The following APBB2 variants were observed in gnomAD, a reference collection of about 807,000 sequenced individuals.
APBB2 encodes the protein Fe65-like 1.
Under a neutral mutation model 82.5 loss-of-function variants are expected in APBB2, and 38 were observed. The ratio of observed to expected loss-of-function variants is 0.46; its 90% CI spans 0.36 to 0.60. The LOEUF (loss-of-function observed/expected upper bound fraction) is 0.60. Among genes scored for constraint, APBB2 ranks in the 20% least tolerant of loss-of-function variants. The pLI, the probability that APBB2 is intolerant of heterozygous loss-of-function variation, is 0.00. For synonymous variants in APBB2, 341 were observed against 368.2 expected (o/e 0.93, Z 0.85); for missense variants, 772 against 972.3 (o/e 0.79, Z 2.74).
chr4:40,875,128 G>A (rs1321739746), intron 12 of APBB2, among the ~76,000 whole-genome samples: 2 of 152,162 alleles, frequency 1.3e-5, no homozygotes, highest in African/African-American at 4.8e-5. Flanking sequence ...CACATCGTGG[G>A]GTTTGGCTCC....
chr4:41,114,050 T>C (rs1560787965), intron 2 of APBB2: 1 of 152,406 alleles, frequency 6.6e-6, no homozygotes, highest in Non-Finnish European at 1.5e-5. Context: ...ATTTTTCTTA[T>C]GAACATCAAC....
intron 2 of APBB2, among the ~76,000 whole-genome samples, chr4:41,118,361 T>TGTCTTGA (rs1751754501): frequency 6.6e-6 from 1 of 152,232 alleles, no homozygotes; most frequent in South Asian, 2.1e-4. Flanking sequence ...ATGAGTTCTG[T>TGTCTTGA]GTCTTGACTT....
At chr4:40,883,990 T>C (rs1297822182) in intron 12 of APBB2, among the ~76,000 whole-genome samples, 1 of 152,240 alleles carries the variant, frequency 6.6e-6, no homozygotes, top group Admixed American at 6.5e-5. Flanking sequence ...ATCTCTTCAA[T>C]GAAGAAGCCA....
intron 1 of APBB2, among the ~76,000 whole-genome samples, chr4:41,208,202 T>C (rs576025441): frequency 6.6e-5 from 10 of 152,138 alleles, no homozygotes; most frequent in Non-Finnish European, 1.3e-4. Context: ...TTCCGCAAAG[T>C]CTCTCCAATC....
intron 2 of APBB2, among the ~76,000 whole-genome samples, chr4:41,102,104 G>A (rs905498365): frequency 2.0e-5 from 3 of 152,050 alleles, no homozygotes; most frequent in South Asian, 2.1e-4. Flanking sequence ...ACCTAAAGTC[G>A]GCATACCCCT....
intron 10 of APBB2, among the ~76,000 whole-genome samples, chr4:40,916,992 C>A (rs1780011731): frequency 6.6e-6 from 1 of 152,208 alleles, no homozygotes; most frequent in African/African-American, 2.4e-5. Flanking sequence ...CTCTGCTGCA[C>A]CGCAGACTTC....
chr4:41,120,755 T>C (rs139737066), intron 2 of APBB2, among the ~76,000 whole-genome samples: 25 of 152,310 alleles, frequency 1.6e-4, no homozygotes, highest in African/African-American at 5.3e-4. Flanking sequence ...TCTTGCAAAA[T>C]ACAGCCTAAA....
chr4:40,954,812 C>T (rs1220568345), intron 6 of APBB2, among the ~76,000 whole-genome samples: 24 of 152,268 alleles, frequency 1.6e-4, no homozygotes, highest in Non-Finnish European at 3.1e-4. Flanking sequence ...TATAGGCACA[C>T]ACCATCACAC....
At chr4:40,911,775 T>A (rs1190237440) in intron 10 of APBB2, among the ~76,000 whole-genome samples, 1 of 140,768 alleles carries the variant, frequency 7.1e-6, no homozygotes, top group Non-Finnish European at 1.6e-5. Flanking sequence ...GACCAACACC[T>A]AGGGGGACAC....
At chr4:40,816,392 A>G in intron 17 of APBB2, 133 bp from the exon 18 acceptor site, 1 of 965,604 alleles carries the variant, frequency 1.0e-6, no homozygotes, top group East Asian at 2.6e-5. Flanking sequence ...TAAATCCAAG[A>G]GTTATTTTTC....
At chr4:41,018,632 T>C (rs1810657695) in intron 5 of APBB2, among the ~76,000 whole-genome samples, 2 of 152,310 alleles carry the variant, frequency 1.3e-5, no homozygotes, top group East Asian at 1.9e-4. Context: ...CTTTTTCCTC[T>C]AGTATATTCT....
chr4:40,946,912 G>A (rs150092218), intron 6 of APBB2, among the ~76,000 whole-genome samples: 55 of 152,332 alleles, frequency 3.6e-4, no homozygotes, highest in Non-Finnish European at 5.9e-4. Context: ...AGGGGCTGAT[G>A]AAGACTGTGG....
intron 1 of APBB2, among the ~76,000 whole-genome samples, chr4:41,210,426 C>T (rs1779034235): frequency 6.6e-6 from 1 of 152,172 alleles, no homozygotes; most frequent in Admixed American, 6.5e-5. Flanking sequence ...TTTGGGGTCC[C>T]TGGTTAGTAG....
chr4:41,138,641 T>G (rs1346432546), intron 2 of APBB2, among the ~76,000 whole-genome samples: 1 of 152,240 alleles, frequency 6.6e-6, no homozygotes, highest in African/African-American at 2.4e-5. Context: ...TTCATAATTA[T>G]CATCTTTTAT....
intron 2 of APBB2, among the ~76,000 whole-genome samples, chr4:41,108,724 T>TGC (rs1748127898): frequency 6.6e-6 from 1 of 152,220 alleles, no homozygotes; most frequent in Non-Finnish European, 1.5e-5. Context: ...TCAAGGGCAG[T>TGC]GTCTGACACA....
rs1560717026 is a variant in APBB2, at chr4:40,856,899, CA to C, written c.1530-26323del. 597 of 964,322 alleles carry C rather than the reference CA, an allele frequency of 6.2e-4. 2 individuals are homozygous for C. The African/African-American group carries it at 9.9e-3, about 16-fold the overall frequency. 59.7% of individuals were successfully genotyped at this position (964,322 alleles called of 1,614,324 possible). On this transcript the variant is annotated intron_variant, in intron 12 of 17. Transcript: ENST00000508593. ...GCGCTGACTCGGGGAAGGGAGGGCG[CA>C]GCCTTTGTCCCGCAGGTCTCCCGCG...
intron 12 of APBB2, among the ~76,000 whole-genome samples, chr4:40,862,618 C>T (rs1038383106): frequency 1.2e-4 from 19 of 152,136 alleles, no homozygotes; most frequent in African/African-American, 3.4e-4. Flanking sequence ...CCCAGAACTT[C>T]GGGAGGCCAA....
intron 1 of APBB2, among the ~76,000 whole-genome samples, chr4:41,175,901 A>C (rs1205774815): frequency 2.6e-5 from 4 of 152,216 alleles, no homozygotes; most frequent in African/African-American, 9.6e-5. Context: ...AGCAACCTAA[A>C]CTGAAAACTG....
rs1394426321 is a variant in APBB2 at position 41,003,953 on chromosome 4, T to TC, written c.835+9629dup. On this transcript the variant is annotated intron_variant, in intron 6 of 17. Transcript: ENST00000508593. ...GTCTTGAACTCCTGACCTCAGGTGA[T>TC]CCGCCCACCTTGGCCTCCCAAAATG... Among the ~76,000 whole-genome samples, 5 of 152,216 alleles carry TC rather than the reference T, an allele frequency of 3.3e-5. No homozygotes were observed. The East Asian group carries it at 9.6e-4, about 29-fold the overall frequency.
Sources: allele counts gnomAD v4.1 joint callset (sites outside exome capture counted in the v4.1 genomes callset), GRCh38; gene constraint gnomAD v4.1.1; transcripts MANE v1.5; gene names NCBI Gene and HGNC (gene_info 2026-07-23, HGNC 2026-07-21).